DYNLRB1: variants seen among roughly 807,000 people sequenced by gnomAD.
The protein encoded by DYNLRB1 is ROBL/LC7-like 1.
A neutral mutation model predicts 13.5 loss-of-function variants in DYNLRB1; 6 were observed. The observed-to-expected ratio is 0.44, with a 90% CI of 0.24 to 0.88. The LOEUF (loss-of-function observed/expected upper bound fraction) is 0.88. DYNLRB1 is among the 40% of genes least tolerant of loss of function. The probability of loss-of-function intolerance (pLI) is 0.21; values close to 1 mark genes in which losing one functional copy is unlikely to be tolerated. For missense variants in DYNLRB1, 93 were observed against 127.2 expected (o/e 0.73, Z 1.29); for synonymous variants, 43 against 45.0 (o/e 0.96, Z 0.18).
rs900802542 is a variant in DYNLRB1 at position 34,516,866 on chromosome 20, A to G, written c.3+405A>G. 3.3e-6 allele frequency: 5 copies of G among 1,531,650 alleles called. No individual in the cohort carries two copies. In the African/African-American group the frequency reaches 4.2e-5, roughly 13 times the overall value. The allele number at this position is 1,531,650 out of a possible 1,614,324, so 94.9% of individuals were successfully genotyped here. On this transcript the variant is annotated intron_variant, in intron 1 of 3. Transcript: ENST00000357156. ...TCTTGTATTTCCTCCGCCTCCTCCC[A>G]GCTCTGTGAGGTAGATACAATCTTT...
intron 2 of DYNLRB1, among the ~76,000 whole-genome samples, chr20:34,533,169 T>C (rs189115734): frequency 4.6e-5 from 7 of 152,314 alleles, no homozygotes; most frequent in African/African-American, 1.7e-4. Flanking sequence ...ATAAGTCCAC[T>C]TAATGGTTCA....
chr20:34,516,250 A>C (rs1236190730), upstream of DYNLRB1, among the ~76,000 whole-genome samples: 2 of 152,262 alleles, frequency 1.3e-5, no homozygotes, highest in African/African-American at 4.8e-5. Context: ...AGCTTAGCGC[A>C]CTGCTCCTTA....
At chr20:34,534,538 C>T in intron 2 of DYNLRB1, 90 bp from the exon 3 acceptor site, 1 of 1,430,048 alleles carries the variant, frequency 7.0e-7, no homozygotes, top group Non-Finnish European at 9.4e-7. Flanking sequence ...CTGAGAACTG[C>T]TATTCCAGTT....
chr20:34,518,711 C>T (rs1031165394), intron 1 of DYNLRB1, among the ~76,000 whole-genome samples: 1 of 151,888 alleles, frequency 6.6e-6, no homozygotes, highest in African/African-American at 2.4e-5. Flanking sequence ...ACGTTGGCCT[C>T]CCAAAGTGTT....
rs1980299630 is a variant in DYNLRB1 at position 34,527,237 on chromosome 20, C to T, written c.79+894C>T. 3.3e-5 allele frequency among the ~76,000 whole-genome samples: 5 copies of T among 152,330 alleles called. No homozygotes were observed. In the South Asian group the frequency reaches 1.0e-3, roughly 32 times the overall value. ...GGCTGTAAAGAACCAGAATGGCCCC[C>T]AGACCCTCACGCTCCAGGCAGCAGT... On this transcript the variant is annotated intron_variant, in intron 2 of 3. Coordinates refer to ENST00000357156, the MANE Select transcript of DYNLRB1 (RefSeq NM_014183.4).
At chr20:34,524,884 C>T (rs1006843913) in intron 1 of DYNLRB1, among the ~76,000 whole-genome samples, 7 of 152,080 alleles carry the variant, frequency 4.6e-5, no homozygotes, top group Admixed American at 6.6e-5. Flanking sequence ...CCACTACGCC[C>T]GGCTAATTTT....
intron 3 of DYNLRB1, among the ~76,000 whole-genome samples, chr20:34,537,737 G>GGGGTGGCCACAGGCGTAT (rs1981262230): frequency 6.6e-6 from 1 of 152,200 alleles, no homozygotes; most frequent in African/African-American, 2.4e-5. Flanking sequence ...CACAGGCGTA[G>GGGGTGGCCACAGGCGTAT]AGCAGGCCTG....
At chr20:34,524,302 A>G (rs145742964) in intron 1 of DYNLRB1, among the ~76,000 whole-genome samples, 12 of 152,344 alleles carry the variant, frequency 7.9e-5, no homozygotes, top group Non-Finnish European at 1.5e-4. Context: ...TTCACTTAAC[A>G]TTATAGCACA....
intron 3 of DYNLRB1, chr20:34,535,653 T>C: frequency 6.1e-6 from 6 of 985,262 alleles, no homozygotes; most frequent in Non-Finnish European, 7.2e-6. Flanking sequence ...CATAGTTGAG[T>C]GTGCGTGCGT....
rs963573436 is a variant in DYNLRB1 at position 34,529,983 on chromosome 20, G to A, written c.79+3640G>A. The A allele has an allele frequency of 1.8e-5, 24 of 1,316,988 alleles. No individual in the cohort carries two copies. In the African/African-American group the frequency reaches 3.7e-4, roughly 20 times the overall value. The allele number at this position is 1,316,988 out of a possible 1,614,324, so 81.6% of individuals were successfully genotyped here. Reference sequence around the variant, plus strand: ...CCTCAACTGCCTCGAGTCCTGTGATGGTCCAGGGAATCTCTTTTGGGCACT... The same window carrying A: ...CCTCAACTGCCTCGAGTCCTGTGATAGTCCAGGGAATCTCTTTTGGGCACT... On this transcript the variant is annotated intron_variant, in intron 2 of 3. Transcript: ENST00000357156.
chr20:34,536,769 G>A (rs1359994470), intron 3 of DYNLRB1, among the ~76,000 whole-genome samples: 1 of 150,618 alleles, frequency 6.6e-6, no homozygotes, highest in Non-Finnish European at 1.5e-5. Flanking sequence ...AAAAAAAGTT[G>A]GGCCGGGAAC....
At chr20:34,525,312 T>C (rs968247524) in intron 1 of DYNLRB1, among the ~76,000 whole-genome samples, 1 of 152,172 alleles carries the variant, frequency 6.6e-6, no homozygotes, top group Non-Finnish European at 1.5e-5. Flanking sequence ...AGGGCTAGTT[T>C]CCATCCACAG....
chr20:34,522,662 C>T (rs1377820393), intron 1 of DYNLRB1, among the ~76,000 whole-genome samples: 2 of 151,706 alleles, frequency 1.3e-5, no homozygotes, highest in Non-Finnish European at 2.9e-5. Flanking sequence ...TTTGTAGAGA[C>T]GAAGCTTCAC....
chr20:34,530,297 C>T, intron 2 of DYNLRB1: 1 of 1,005,538 alleles, frequency 9.9e-7, no homozygotes, highest in East Asian at 9.4e-5. Context: ...ACGTGGAATG[C>T]AGAATGAGCC....
In DYNLRB1 at chr20:34,526,269, C is replaced by G. The variant is rs751670380; in HGVS notation, c.5C>G (p.Ala2Gly). The G allele has an allele frequency of 6.2e-7, 1 of 1,614,090 alleles. No homozygotes were observed. Among genetic ancestry groups the G allele is most frequent in the African/African-American group, 1.3e-5 (1 of 74,998 alleles). The change falls in exon 2 of 4, where the codon GCA (alanine) becomes GGA (glycine). Residue 2 changes from alanine (A) to glycine (G), a missense_variant and splice_region_variant. Transcript: ENST00000357156. M[A>G]EVEETLKRLQ... ...AACCTTGGTCTTGTTTTCTGGCAGGCAGAGGTGGAGGAGACACTGAAGCGA... is the reference window on the plus strand; with the variant it reads ...AACCTTGGTCTTGTTTTCTGGCAGGGAGAGGTGGAGGAGACACTGAAGCGA...
intron 1 of DYNLRB1, among the ~76,000 whole-genome samples, chr20:34,517,246 G>GT (rs1417587337): frequency 6.6e-6 from 1 of 152,146 alleles, no homozygotes; most frequent in Non-Finnish European, 1.5e-5. Context: ...TCTAGAGCTT[G>GT]TAATAAAAAA....
At chr20:34,537,209 A>G (rs1981216694) in intron 3 of DYNLRB1, among the ~76,000 whole-genome samples, 1 of 152,142 alleles carries the variant, frequency 6.6e-6, no homozygotes, top group South Asian at 2.1e-4. Context: ...CTCAAGTCAC[A>G]CTGTCTCTCT....
At chr20:34,537,658 G>T (rs371073154) in intron 3 of DYNLRB1, among the ~76,000 whole-genome samples, 1 of 152,200 alleles carries the variant, frequency 6.6e-6, no homozygotes, top group African/African-American at 2.4e-5. Flanking sequence ...GAGCCACCAC[G>T]CAGAGCCTAG....
chr20:34,535,426 C>T (rs1438260061), intron 3 of DYNLRB1: 1 of 914,348 alleles, frequency 1.1e-6, no homozygotes, highest in Non-Finnish European at 1.3e-6. Context: ...GTGGTGCAAC[C>T]AAGGCCTGTG....
Sources: gnomAD v4.1 joint callset for allele counts (sites outside exome capture counted in the v4.1 genomes callset) on GRCh38, gnomAD v4.1.1 for gene constraint, MANE v1.5 for transcripts, NCBI Gene and HGNC (gene_info 2026-07-23, HGNC 2026-07-21) for gene names.